Variants in YAF2 observed in about 807,000 individuals in gnomAD.
YAF2 encodes the protein YY1-associated factor 2.
A neutral mutation model predicts 20.1 loss-of-function variants in YAF2; 7 were observed. The observed-to-expected ratio is 0.35, with a 90% confidence interval of 0.20 to 0.65. The LOEUF (loss-of-function observed/expected upper bound fraction) is 0.65. Ranked by LOEUF, YAF2 falls within the 30% of genes least tolerant of loss-of-function variation. YAF2 has a pLI of 0.69. For missense variants in YAF2, 151 were observed against 219.2 expected (o/e 0.69, Z 1.96); for synonymous variants, 74 against 76.0 (o/e 0.97, Z 0.14).
At chr12:42,210,045 G>A (rs1436078159) in intron 2 of YAF2, among the ~76,000 whole-genome samples, 2 of 152,102 alleles carry the variant, frequency 1.3e-5, no homozygotes, top group African/African-American at 2.4e-5. Context: ...TGATCCACCC[G>A]CCTTGGCCTC....
chr12:42,165,762 C>T (rs898949107), intron 2 of YAF2, among the ~76,000 whole-genome samples: 2 of 143,796 alleles, frequency 1.4e-5, no homozygotes, highest in Admixed American at 7.2e-5. Context: ...TGAGCTGCTG[C>T]GCCCGGCCAG....
chr12:42,173,998 C>T (rs11181364), intron 2 of YAF2, among the ~76,000 whole-genome samples: 53,306 of 151,708 alleles, frequency 0.35, 9,687 homozygotes, highest in South Asian at 0.47. Flanking sequence ...GGACACACTC[C>T]TGCCACTGAC....
chr12:42,235,149 A>C, intron 2 of YAF2: 2 of 988,576 alleles, frequency 2.0e-6, no homozygotes, highest in Non-Finnish European at 2.4e-6. Context: ...AGTCTGACCC[A>C]AAGGATTCAA....
At chr12:42,206,028 A>G (rs1565632207) in intron 2 of YAF2, among the ~76,000 whole-genome samples, 1 of 152,092 alleles carries the variant, frequency 6.6e-6, no homozygotes, top group South Asian at 2.1e-4. Flanking sequence ...GAACTGCTCA[A>G]TCTATCCTCT....
At chr12:42,212,177 T>C (rs1052868223) in intron 2 of YAF2, among the ~76,000 whole-genome samples, 1 of 152,138 alleles carries the variant, frequency 6.6e-6, no homozygotes, top group Non-Finnish European at 1.5e-5. Flanking sequence ...TTTAAACTTT[T>C]AAAATAATTG....
intron 2 of YAF2, chr12:42,234,327 T>A: frequency 3.0e-6 from 3 of 985,472 alleles, no homozygotes; most frequent in Non-Finnish European, 3.6e-6. Context: ...CCTGTCAGTT[T>A]GACATTTACT....
rs575630135 is a variant in YAF2, at chr12:42,159,116, A to G, written c.*1473T>C. 1 of 152,344 alleles carries G rather than the reference A, an allele frequency of 6.6e-6. No homozygotes were observed. The highest frequency in any genetic ancestry group is 2.4e-5 in the African/African-American group (1 of 41,594). 9.4% of individuals were successfully genotyped at this position (152,344 alleles called of 1,614,324 possible). A position where few individuals can be genotyped will look rare whatever the true frequency, so the allele number is the denominator to read the frequency against. Reference sequence around the variant, plus strand: ...ACAACTAGCATCTTACAAAAAAGACAGTACCACTGTGCCTGTAAAAAGTAC... The same window carrying G: ...ACAACTAGCATCTTACAAAAAAGACGGTACCACTGTGCCTGTAAAAAGTAC... On this transcript the variant is annotated 3_prime_UTR_variant, in exon 4 of 4. Transcript: ENST00000534854.
At chr12:42,160,880 G>A (rs192135706) in intron 3 of YAF2, 54 bp from the exon 4 acceptor site, 12 of 1,456,138 alleles carry the variant, frequency 8.2e-6, no homozygotes, top group African/African-American at 4.2e-5. Context: ...CCAAATTTCT[G>A]AGCATATAAT....
At chr12:42,237,371 T>A in intron 2 of YAF2, 1 of 1,214,734 alleles carries the variant, frequency 8.2e-7, no homozygotes, top group Non-Finnish European at 1.0e-6. Context: ...CTTAAATAAT[T>A]TATTCTCTCT....
At position 42,237,737 on chromosome 12, in the gene YAF2, AC is replaced by A. The variant is rs763593721; in HGVS notation, c.27-14del. The A allele has an allele frequency of 2.0e-6, 3 of 1,523,608 alleles. No homozygotes were observed. In the African/African-American group the frequency reaches 4.3e-5, roughly 22 times the overall value. The allele number at this position is 1,523,608 out of a possible 1,614,324, so 94.4% of individuals were successfully genotyped here. On this transcript the variant is annotated splice_polypyrimidine_tract_variant and intron_variant, in intron 1 of 3. Coordinates refer to ENST00000534854, the MANE Select transcript of YAF2 (RefSeq NM_005748.6). The stretch of plus-strand genomic sequence containing the variant: ...CTGCCGCTTCGGCCTGCAGGACACA[AC>A]CCGGACACGACGCGGCGCGGGGTCA...
intron 2 of YAF2, among the ~76,000 whole-genome samples, chr12:42,193,987 A>G (rs1431846506): frequency 6.6e-6 from 1 of 152,226 alleles, no homozygotes; most frequent in East Asian, 1.9e-4. Flanking sequence ...AAGTAAAAAA[A>G]TTTTTGAATG....
chr12:42,208,153 C>T (rs910024452), intron 2 of YAF2, among the ~76,000 whole-genome samples: 8 of 152,104 alleles, frequency 5.3e-5, no homozygotes, highest in South Asian at 2.1e-4. Context: ...TATGGCCAGG[C>T]GCCATGGCTC....
At chr12:42,202,740 G>A (rs2066933906) in intron 2 of YAF2, among the ~76,000 whole-genome samples, 3 of 152,124 alleles carry the variant, frequency 2.0e-5, no homozygotes, top group Admixed American at 2.0e-4. Flanking sequence ...CCAGGTTCAA[G>A]CAATTCTCCC....
chr12:42,201,441 T>A (rs1231472619), intron 2 of YAF2, among the ~76,000 whole-genome samples: 1 of 152,338 alleles, frequency 6.6e-6, no homozygotes, highest in East Asian at 1.9e-4. Context: ...TGCCTTTATA[T>A]CCATTGTTCA....
At chr12:42,210,315 G>C (rs1490428472) in intron 2 of YAF2, 1 of 1,390,494 alleles carries the variant, frequency 7.2e-7, no homozygotes, top group East Asian at 2.6e-5. Context: ...AAATTTGGGG[G>C]GAAAAAAAAT....
intron 2 of YAF2, among the ~76,000 whole-genome samples, chr12:42,176,268 T>A (rs965185921): frequency 2.7e-5 from 4 of 149,276 alleles, no homozygotes; most frequent in Non-Finnish European, 4.4e-5. Context: ...ACTACAGGAG[T>A]GCACCATCAC....
chr12:42,186,223 G>A (rs886221916), intron 2 of YAF2, among the ~76,000 whole-genome samples: 2 of 147,734 alleles, frequency 1.4e-5, no homozygotes, highest in Non-Finnish European at 3.0e-5. Context: ...GCTGGGCTTG[G>A]TGGCTCAGGC....
intron 2 of YAF2, among the ~76,000 whole-genome samples, chr12:42,191,872 G>T (rs1565619540): frequency 6.6e-6 from 1 of 151,944 alleles, no homozygotes. Flanking sequence ...AGGATCATTT[G>T]AGGTCAGGAG....
Position 42,165,514 on chromosome 12 carries a change from A to G in YAF2, c.153-3749T>C, listed in dbSNP as rs2065892681. On this transcript the variant is annotated intron_variant, in intron 2 of 3. Transcript: ENST00000534854. ...AGCCTAGCTCTGTCGCCCAGGCTGG[A>G]GTGCAGTGGCGTGATCTCAGGTCAC... 2.0e-5 allele frequency among the ~76,000 whole-genome samples: 3 copies of G among 152,144 alleles called. No homozygotes were observed. The South Asian group carries it at 6.2e-4, about 31-fold the overall frequency.
Sources: allele counts gnomAD v4.1 joint callset (sites outside exome capture counted in the v4.1 genomes callset), GRCh38; gene constraint gnomAD v4.1.1; transcripts MANE v1.5; gene names NCBI Gene and HGNC (gene_info 2026-07-23, HGNC 2026-07-21).